RNF170: variants seen among roughly 807,000 people sequenced by gnomAD.
RNF170 encodes the protein ring finger protein 170, also known as E3 ubiquitin-protein ligase RNF170.
A neutral mutation model predicts 32.7 loss-of-function variants in RNF170; 12 were observed. The observed-to-expected ratio is 0.37, with a 90% CI of 0.24 to 0.60. The LOEUF (loss-of-function observed/expected upper bound fraction) is 0.60. Among genes scored for constraint, RNF170 ranks in the 20% least tolerant of loss-of-function variants. The pLI is 0.72. For synonymous variants in RNF170, 91 were observed against 103.6 expected (o/e 0.88, Z 0.74); for missense variants, 212 against 311.2 (o/e 0.68, Z 2.40).
Position 42,870,067 on chromosome 8 carries a change from A to AG in RNF170, c.258dup (p.Cys87LeufsTer44). 6.2e-7 allele frequency: 1 copy of AG among 1,614,200 alleles called. No homozygotes were observed. The highest frequency in any genetic ancestry group is 8.5e-7 in the Non-Finnish European group (1 of 1,180,026). ...GAGGCTTGGTGCAGGCAGATGGGAC[A>AG]GTACATGTCAGTGTAGAACTGCTGT... On this transcript the variant is annotated frameshift_variant, in exon 4 of 7. Transcript: ENST00000527424. LOFTEE classifies it high-confidence loss of function.
chr8:42,893,558 C>A (rs548864649), intron 1 of RNF170, among the ~76,000 whole-genome samples: 82 of 152,154 alleles, frequency 5.4e-4, no homozygotes, highest in African/African-American at 1.9e-3. Flanking sequence ...TTTTTTGGGG[C>A]GGGTGTGGCA....
intron 1 of RNF170, 139 bp from the exon 2 acceptor site, chr8:42,888,010 G>T: frequency 1.4e-6 from 1 of 727,958 alleles, no homozygotes; most frequent in Non-Finnish European, 2.3e-6. Context: ...CTCCAGTGGG[G>T]ACTGATGGAG....
chr8:42,879,796 T>A (rs1255504900), intron 2 of RNF170, among the ~76,000 whole-genome samples: 2 of 152,020 alleles, frequency 1.3e-5, no homozygotes, highest in African/African-American at 4.8e-5. Context: ...TGCCTCAGCC[T>A]CCCAAGTTGC....
chr8:42,881,891 C>A (rs1009538503), intron 2 of RNF170, among the ~76,000 whole-genome samples: 1 of 152,068 alleles, frequency 6.6e-6, no homozygotes, highest in African/African-American at 2.4e-5. Context: ...GCCATAATCA[C>A]GCCACTATAC....
intron 2 of RNF170, among the ~76,000 whole-genome samples, chr8:42,885,333 C>G (rs1805732108): frequency 6.6e-6 from 1 of 152,158 alleles, no homozygotes; most frequent in Admixed American, 6.6e-5. Flanking sequence ...TTCCATATTT[C>G]AGCTACTGTA....
intron 6 of RNF170, among the ~76,000 whole-genome samples, chr8:42,857,840 G>C (rs1803354633): frequency 6.6e-6 from 1 of 152,238 alleles, no homozygotes; most frequent in South Asian, 2.1e-4. Context: ...TTTGAGATCA[G>C]CCTGGAAAGC....
intron 5 of RNF170, 23 bp from the exon 6 acceptor site, chr8:42,861,878 T>A (rs1298668857): frequency 1.3e-6 from 2 of 1,573,102 alleles, no homozygotes; most frequent in Non-Finnish European, 1.7e-6. Flanking sequence ...GAAAAAAAAA[T>A]TATTTCAACT....
chr8:42,894,167 C>G (rs1806546951), intron 1 of RNF170, among the ~76,000 whole-genome samples: 1 of 152,218 alleles, frequency 6.6e-6, no homozygotes, highest in African/African-American at 2.4e-5. Context: ...TCAAAGGTAA[C>G]TGGAATTACA....
At chr8:42,896,623 C>T (rs964653847), upstream of RNF170, 1 of 453,282 alleles carries the variant, frequency 2.2e-6, no homozygotes, top group African/African-American at 2.0e-5. Flanking sequence ...GGCGCACGCG[C>T]ACTGCCGAGC....
At chr8:42,861,561 T>C (rs926252434) in intron 6 of RNF170, 184 bp downstream of exon 6, 1 of 592,168 alleles carries the variant, frequency 1.7e-6, no homozygotes, top group Admixed American at 2.8e-5. Context: ...AAGGCTGGTC[T>C]CAAACTCCTG....
chr8:42,872,609 A>G (rs1175881639), intron 3 of RNF170, among the ~76,000 whole-genome samples: 1 of 151,560 alleles, frequency 6.6e-6, no homozygotes, highest in African/African-American at 2.4e-5. Context: ...TGCCCGGCCA[A>G]TTTTTGTATT....
chr8:42,896,760 GGCGGCGGCGGCGGCGGC>G (rs1273202034), upstream of RNF170: 2 of 146,248 alleles, frequency 1.4e-5, no homozygotes, highest in Non-Finnish European at 3.0e-5. Flanking sequence ...CGGCGGCGGC[GGCGGCGGCGGCGGCGGC>G]GCGGCGGCGC....
rs554779041 is a variant in RNF170, at chr8:42,860,753, C to T, written c.507+992G>A. On this transcript the variant is annotated intron_variant, in intron 6 of 6. Transcript: ENST00000527424. ...CTGGAATTTTTTGGAGTTTCACTCTCGTCGCCCAGGCTGGAGTGCAGTGGC... is the reference window on the plus strand; with the variant it reads ...CTGGAATTTTTTGGAGTTTCACTCTTGTCGCCCAGGCTGGAGTGCAGTGGC... Among the ~76,000 whole-genome samples, 5 of 124,646 alleles carry T rather than the reference C, an allele frequency of 4.0e-5. No individual in the cohort carries two copies. The South Asian group carries it at 7.7e-4, about 19-fold the overall frequency. 81.8% of individuals were successfully genotyped at this position (124,646 alleles called of 152,430 possible).
At chr8:42,887,699 T>C (rs766796217) in intron 2 of RNF170, 29 bp downstream of exon 2, 2 of 1,612,164 alleles carry the variant, frequency 1.2e-6, no homozygotes, top group Non-Finnish European at 1.7e-6. Context: ...CTTGCAAATC[T>C]ACTCAATTCT....
At position 42,855,435 on chromosome 8, in the gene RNF170, TCTC is replaced by T. The variant is rs893088160; in HGVS notation, c.*721_*723del. 2.6e-6 allele frequency: 2 copies of T among 773,560 alleles called. No homozygotes were observed. Among genetic ancestry groups the T allele is most frequent in the Non-Finnish European group, 3.8e-6 (2 of 524,758 alleles). 47.9% of individuals were successfully genotyped at this position (773,560 alleles called of 1,614,324 possible). On this transcript the variant is annotated 3_prime_UTR_variant, in exon 7 of 7. Coordinates refer to ENST00000527424, the MANE Select transcript of RNF170 (RefSeq NM_030954.4). Reference sequence around the variant, plus strand: ...ACCATGTTAGCCAGGATGGTCCTGATCTCCTGACCTTGTGATCTACCCGCCTCA... The same window carrying T: ...ACCATGTTAGCCAGGATGGTCCTGATCTGACCTTGTGATCTACCCGCCTCA...
At chr8:42,850,845 T>A (rs753764066), downstream of RNF170, 2 of 1,551,510 alleles carry the variant, frequency 1.3e-6, no homozygotes, top group South Asian at 2.4e-5. Flanking sequence ...AGCATAAACG[T>A]GGTGAGGCTG....
At chr8:42,896,709 G>A (rs1207014949), upstream of RNF170, 1 of 275,822 alleles carries the variant, frequency 3.6e-6, no homozygotes, top group Non-Finnish European at 7.7e-6. Flanking sequence ...TGCTCGCCTC[G>A]ACACGCAGCG....
intron 3 of RNF170, among the ~76,000 whole-genome samples, chr8:42,870,715 C>T (rs1004014531): frequency 3.3e-5 from 5 of 152,056 alleles, no homozygotes; most frequent in Non-Finnish European, 1.5e-5. Flanking sequence ...GGTGACAGAG[C>T]GAGACCCTGT....
chr8:42,895,931 G>GT (rs71231876), intron 1 of RNF170, among the ~76,000 whole-genome samples: 7,294 of 152,292 alleles, frequency 0.048, 236 homozygotes, highest in South Asian at 0.093. Flanking sequence ...TGCCCTTTTC[G>GT]TTTTTATCTG....
Sources: allele counts gnomAD v4.1 joint callset (sites outside exome capture counted in the v4.1 genomes callset), GRCh38; gene constraint gnomAD v4.1.1; transcripts MANE v1.5; gene names NCBI Gene and HGNC (gene_info 2026-07-23, HGNC 2026-07-21).